Variants in CNNM4 observed in about 807,000 individuals in gnomAD.
CNNM4 encodes the protein cyclin and CBS domain divalent metal cation transport mediator 4.
Under a neutral mutation model 53.7 loss-of-function variants are expected in CNNM4, and 32 were observed. The observed-to-expected ratio is 0.60, with a 90% CI of 0.45 to 0.80. CNNM4 has a LOEUF of 0.80. CNNM4 is among the 30% of genes least tolerant of loss of function. The pLI is 0.00. For synonymous variants in CNNM4, 410 were observed against 440.0 expected (o/e 0.93, Z 0.85); for missense variants, 784 against 1,022.0 (o/e 0.77, Z 3.17).
At chr2:96,807,449 C>A (rs2079219618) in intron 5 of CNNM4, among the ~76,000 whole-genome samples, 2 of 151,806 alleles carry the variant, frequency 1.3e-5, no homozygotes, top group South Asian at 4.2e-4. Flanking sequence ...ACAGTGAAAC[C>A]CCGTCTCTAC....
At chr2:96,806,484 C>A (rs1350008137) in intron 5 of CNNM4, among the ~76,000 whole-genome samples, 1 of 150,180 alleles carries the variant, frequency 6.7e-6, no homozygotes. Context: ...CATCTCTACT[C>A]TTCTTCCTTC....
At chr2:96,795,465 T>G (rs2079094483) in intron 1 of CNNM4, among the ~76,000 whole-genome samples, 1 of 149,034 alleles carries the variant, frequency 6.7e-6, no homozygotes, top group African/African-American at 2.6e-5. Flanking sequence ...GGCATGTGTG[T>G]GAAAAACTTT....
In CNNM4 at chr2:96,809,593, A is replaced by C; in HGVS notation, c.*76A>C. The C allele has an allele frequency of 5.3e-6, 7 of 1,318,104 alleles. No homozygotes were observed. The highest frequency in any genetic ancestry group is 7.6e-6 in the Non-Finnish European group (7 of 920,114). The allele number at this position is 1,318,104 out of a possible 1,614,324, so 81.7% of individuals were successfully genotyped here. A position where few individuals can be genotyped will look rare whatever the true frequency, so the allele number is the denominator to read the frequency against. On this transcript the variant is annotated 3_prime_UTR_variant, in exon 7 of 7. Transcript: ENST00000377075. ...CCCACATGAAGAGAGGGAACCTGTT[A>C]GTCCAGAAAGGATACGGATAGATAG...
intron 5 of CNNM4, among the ~76,000 whole-genome samples, chr2:96,802,815 G>C (rs943198074): frequency 6.6e-6 from 1 of 152,196 alleles, no homozygotes; most frequent in Admixed American, 6.5e-5. Context: ...CCTGATGCCT[G>C]TCCGGGGAGT....
chr2:96,763,908 A>C (rs2078788866), intron 1 of CNNM4, among the ~76,000 whole-genome samples: 1 of 151,622 alleles, frequency 6.6e-6, no homozygotes, highest in African/African-American at 2.4e-5. Context: ...CGGCTTTGGG[A>C]GTGCAGACCC....
intron 1 of CNNM4, among the ~76,000 whole-genome samples, chr2:96,776,977 A>C (rs974193453): frequency 1.5e-4 from 23 of 151,616 alleles, no homozygotes; most frequent in Non-Finnish European, 2.7e-4. Flanking sequence ...TTATATGCTT[A>C]TTGTCCATTT....
At chr2:96,763,630 C>T (rs1175231773) in intron 1 of CNNM4, among the ~76,000 whole-genome samples, 3 of 152,214 alleles carry the variant, frequency 2.0e-5, no homozygotes, top group East Asian at 1.9e-4. Context: ...GTTTCTGTAA[C>T]GGAGAGTGGA....
intron 1 of CNNM4, among the ~76,000 whole-genome samples, chr2:96,790,054 T>C (rs2079047647): frequency 7.2e-6 from 1 of 139,542 alleles, no homozygotes. Flanking sequence ...TTGCCCAGGC[T>C]GGAGTGCAGT....
At chr2:96,767,941 A>C (rs1276263365) in intron 1 of CNNM4, among the ~76,000 whole-genome samples, 1 of 152,232 alleles carries the variant, frequency 6.6e-6, no homozygotes. Context: ...GTATGATGGC[A>C]CATGCCTATA....
intron 1 of CNNM4, among the ~76,000 whole-genome samples, chr2:96,764,356 CG>C (rs2078793881): frequency 6.6e-6 from 1 of 152,138 alleles, no homozygotes; most frequent in African/African-American, 2.4e-5. Context: ...CAGTTTACTC[CG>C]GGAAACTCTG....
chr2:96,778,451 C>T (rs1028486687), intron 1 of CNNM4, among the ~76,000 whole-genome samples: 2 of 150,722 alleles, frequency 1.3e-5, no homozygotes, highest in East Asian at 2.0e-4. Context: ...CCAGCTACTC[C>T]GGAGTCTGAG....
intron 1 of CNNM4, among the ~76,000 whole-genome samples, chr2:96,793,406 C>A (rs1254005410): frequency 2.0e-5 from 3 of 152,188 alleles, no homozygotes; most frequent in Non-Finnish European, 4.4e-5. Flanking sequence ...AGGCTGGAAC[C>A]TCTGTACGGA....
In CNNM4 at chr2:96,761,498, G is replaced by A. The variant is rs1198758175; in HGVS notation, c.499G>A (p.Asp167Asn). The A allele has an allele frequency of 1.2e-6, 2 of 1,614,106 alleles. No individual in the cohort carries two copies. The highest frequency in any genetic ancestry group is 2.7e-5 in the African/African-American group (2 of 75,054). ...GCCCTGGCTGAAGTGGACGGACAAG[G>A]ACTCACTGCTCTTCATGGTGGAGGA... is the stretch of plus-strand genomic sequence containing the variant. ...DGPWLKWTDK[D>N]SLLFMVEEPG... Residue 167 changes from aspartate (D) to asparagine (N), a missense_variant, in exon 1 of 7, where the codon GAC becomes AAC. Around this residue, in one of 3 missense-constraint regions of CNNM4, gnomAD observed 473 missense variants for 624.6 expected, o/e 0.76. Transcript: ENST00000377075. This position sits in a 1 kb window ranked among gnomAD's most constrained non-coding sequence, Gnocchi z 6.0.
At chr2:96,802,317 G>A (rs1007872853) in intron 5 of CNNM4, among the ~76,000 whole-genome samples, 2 of 152,212 alleles carry the variant, frequency 1.3e-5, no homozygotes, top group African/African-American at 4.8e-5. Context: ...AGTGAGCACC[G>A]GCCAGCCTGC....
chr2:96,797,441 C>G lies in CNNM4; in HGVS notation c.1547-72C>G, dbSNP rs547788654. The G allele has an allele frequency of 5.0e-6, 8 of 1,590,862 alleles. No homozygotes were observed. ...ACTAGGGGCTGGAGAGCAGGAGCTG[C>G]GGGGCGGGTTCCAGTCTCTTCCTAA... On this transcript the variant is annotated intron_variant, in intron 2 of 6. Transcript: ENST00000377075. This position sits in a 1 kb window ranked among gnomAD's most constrained non-coding sequence, Gnocchi z 6.0.
At chr2:96,784,513 A>C (rs2079000495) in intron 1 of CNNM4, among the ~76,000 whole-genome samples, 1 of 152,220 alleles carries the variant, frequency 6.6e-6, no homozygotes, top group Non-Finnish European at 1.5e-5. Flanking sequence ...TAAAAGCTTA[A>C]AAATCTAGAG....
intron 1 of CNNM4, 100 bp from the exon 2 acceptor site, chr2:96,796,912 C>G: frequency 8.1e-7 from 1 of 1,227,108 alleles, no homozygotes; most frequent in Non-Finnish European, 1.2e-6. Context: ...TGACCCCATC[C>G]TGGTGACTTA....
intron 1 of CNNM4, among the ~76,000 whole-genome samples, chr2:96,796,131 C>CTTTTTTTTTTTTTTT (rs796494842): frequency 2.0e-5 from 1 of 50,684 alleles, no homozygotes. Context: ...CAGACAGGGT[C>CTTTTTTTTTTTTTTT]TTTTTTTTTT....
rs1558995486 is a variant in CNNM4, at chr2:96,801,058, C to T, written c.1948+1410C>T. The stretch of plus-strand genomic sequence containing the variant: ...CCTGACTGCGCCCATCACTGACCTT[C>T]TCTTTTGCTCCAGTGCCTTCAGTCC... On this transcript the variant is annotated intron_variant, in intron 5 of 6. Coordinates refer to ENST00000377075, the MANE Select transcript of CNNM4 (RefSeq NM_020184.4). This position sits in a 1 kb window ranked among gnomAD's most constrained non-coding sequence, Gnocchi z 5.6. 1.0e-6 allele frequency: 1 copy of T among 985,024 alleles called. No individual in the cohort carries two copies. Among genetic ancestry groups the T allele is most frequent in the Non-Finnish European group, 1.2e-6 (1 of 829,528 alleles). 61.0% of individuals were successfully genotyped at this position (985,024 alleles called of 1,614,324 possible).
Sources: gnomAD v4.1 joint callset for allele counts (sites outside exome capture counted in the v4.1 genomes callset) on GRCh38, gnomAD v4.1.1 for gene constraint, gnomAD v4.1.1 regional missense constraint, Gnocchi (gnomAD v3.1) non-coding constraint, MANE v1.5 for transcripts, NCBI Gene and HGNC (gene_info 2026-07-23, HGNC 2026-07-21) for gene names.